Variants in ITGAM observed in about 807,000 individuals in gnomAD.
ITGAM encodes the protein integrin alpha-M.
A neutral mutation model predicts 137.5 loss-of-function variants in ITGAM; 79 were observed. The ratio of observed to expected loss-of-function variants is 0.57; its 90% CI spans 0.48 to 0.69. The LOEUF (loss-of-function observed/expected upper bound fraction) is 0.69. Ranked by LOEUF, ITGAM falls within the 30% of genes least tolerant of loss-of-function variation. ITGAM has a pLI of 0.00. For missense variants in ITGAM, 1,343 were observed against 1,483.5 expected (o/e 0.91, Z 1.56); for synonymous variants, 583 against 592.3 (o/e 0.98, Z 0.23).
Position 31,331,855 on chromosome 16 carries a change from A to ACGTGCGTG in ITGAM, c.*148_*149insCGTGCGTG. 1 of 503,076 alleles carries ACGTGCGTG rather than the reference A, an allele frequency of 2.0e-6. No individual in the cohort carries two copies. The allele number at this position is 503,076 out of a possible 1,614,324, so 31.2% of individuals were successfully genotyped here. On this transcript the variant is annotated 3_prime_UTR_variant, in exon 30 of 30. Coordinates refer to ENST00000544665, the MANE Select transcript of ITGAM (RefSeq NM_000632.4). ...TCCATTTGTGTGTGTGCAAGTGTGT[A>ACGTGCGTG]TGTGCGTGTGTGCAAGTGTCTGTGT...
chr16:31,331,991 G>A lies in ITGAM; in HGVS notation c.*284G>A. 1 of 482,770 alleles carries A rather than the reference G, an allele frequency of 2.1e-6. No individual in the cohort carries two copies. Among genetic ancestry groups the A allele is most frequent in the Non-Finnish European group, 3.7e-6 (1 of 270,362 alleles). The allele number at this position is 482,770 out of a possible 1,614,324, so 29.9% of individuals were successfully genotyped here. Reference sequence around the variant, plus strand: ...AGTGTGTGTGCGTGTGTCCATGTGTGTGCAAGTGTGTGCATGTGTGCGAGT... The same window carrying A: ...AGTGTGTGTGCGTGTGTCCATGTGTATGCAAGTGTGTGCATGTGTGCGAGT... On this transcript the variant is annotated 3_prime_UTR_variant, in exon 30 of 30. Transcript: ENST00000544665.
chr16:31,328,293 TCTGTGTGC>T (rs2080529950), intron 23 of ITGAM, 63 bp downstream of exon 23: 5 of 1,248,802 alleles, frequency 4.0e-6, no homozygotes, highest in Non-Finnish European at 4.7e-6. Flanking sequence ...TGATTGTGCA[TCTGTGTGC>T]ATGAGTCTGT....
intron 5 of ITGAM, 58 bp downstream of exon 5, chr16:31,266,205 G>A: frequency 8.3e-7 from 1 of 1,204,062 alleles, no homozygotes; most frequent in Non-Finnish European, 1.2e-6. Context: ...GGAGGGGGCA[G>A]GACTGAGGTG....
chr16:31,313,246 G>A (rs932227696), intron 14 of ITGAM, among the ~76,000 whole-genome samples: 1 of 152,148 alleles, frequency 6.6e-6, no homozygotes, highest in African/African-American at 2.4e-5. Context: ...TAAGTTCTGT[G>A]ATACATGTGC....
chr16:31,268,836 C>T (rs757735853), intron 5 of ITGAM, among the ~76,000 whole-genome samples: 15 of 152,186 alleles, frequency 9.9e-5, no homozygotes, highest in Non-Finnish European at 1.8e-4. Flanking sequence ...TTTTGAGGCC[C>T]TTGTCCCATA....
At chr16:31,313,971 A>G (rs1343868772) in intron 14 of ITGAM, among the ~76,000 whole-genome samples, 1 of 151,610 alleles carries the variant, frequency 6.6e-6, no homozygotes, top group Admixed American at 6.6e-5. Context: ...GCATTTCTCT[A>G]ATGACCAGTG....
In ITGAM at chr16:31,321,303, C is replaced by T. The variant is rs549300106; in HGVS notation, c.1770C>T (p.Gly590=). The stretch of plus-strand genomic sequence containing the variant: ...ATTTTGGTCAGTCACTGAGTGGGGG[C>T]CAGGACCTCACAATGGATGGACTGG... ...LQYFGQSLSG[G]QDLTMDGLVD... Residue 590 remains glycine (G), a synonymous_variant, in exon 15 of 30, where the codon GGC becomes GGT. Transcript: ENST00000544665. The T allele has an allele frequency of 1.5e-5, 25 of 1,613,986 alleles. No individual in the cohort carries two copies. The highest frequency in any genetic ancestry group is 1.9e-5 in the Non-Finnish European group (23 of 1,179,884).
rs988999273 is a variant in ITGAM, at chr16:31,259,993, C to G, written c.-72C>G. On this transcript the variant is annotated 5_prime_UTR_variant, in exon 1 of 30. Transcript: ENST00000544665. The stretch of plus-strand genomic sequence containing the variant: ...TTTCTGCCCTTCTTTGCTTTGGTGG[C>G]TTCCTTGTGGTTCCTCAGTGGTGCC... 9.0e-6 allele frequency: 12 copies of G among 1,339,100 alleles called. No individual in the cohort carries two copies. Among genetic ancestry groups the G allele is most frequent in the Non-Finnish European group, 1.3e-5 (12 of 950,708 alleles). The allele number at this position is 1,339,100 out of a possible 1,614,324, so 83.0% of individuals were successfully genotyped here.
At chr16:31,274,568 A>T (rs925065433) in intron 8 of ITGAM, among the ~76,000 whole-genome samples, 1 of 152,062 alleles carries the variant, frequency 6.6e-6, no homozygotes, top group Non-Finnish European at 1.5e-5. Context: ...TTGCATCCTT[A>T]TCTGGTTGGA....
chr16:31,325,338 C>T lies in ITGAM; in HGVS notation c.2439C>T (p.Ser813=). ...CTGTGAGAAATGATGGTGAGGACTC[C>T]TACAGGACACAGGTCACCTTCTTCT... ...TVTVRNDGED[S]YRTQVTFFFP... is the part of the protein sequence containing the mutation. Residue 813 remains serine (S), a synonymous_variant, in exon 20 of 30, where the codon TCC becomes TCT. Transcript: ENST00000544665. 6.2e-7 allele frequency: 1 copy of T among 1,613,954 alleles called. No individual in the cohort carries two copies. The highest frequency in any genetic ancestry group is 8.5e-7 in the Non-Finnish European group (1 of 1,179,846).
At position 31,328,242 on chromosome 16, in the gene ITGAM, C is replaced by G. The variant is rs1374645625; in HGVS notation, c.2792+12C>G. ...ATGGTGGTCACCAGGTGCTGGCTTC[C>G]AGGACTTTAGCTGAGCCTCCACTTC... On this transcript the variant is annotated intron_variant, in intron 23 of 29. Coordinates refer to ENST00000544665, the MANE Select transcript of ITGAM (RefSeq NM_000632.4). 2 of 1,609,324 alleles carry G rather than the reference C, an allele frequency of 1.2e-6. No individual in the cohort carries two copies. The highest frequency in any genetic ancestry group is 2.7e-5 in the African/African-American group (2 of 74,810).
chr16:31,288,830 A>G (rs2080056448), intron 12 of ITGAM, among the ~76,000 whole-genome samples: 1 of 152,198 alleles, frequency 6.6e-6, no homozygotes, highest in South Asian at 2.1e-4. Context: ...CAACCTACAG[A>G]ATGGGAGAAA....
chr16:31,289,755 T>TA lies in ITGAM; in HGVS notation c.1357-7752dup, dbSNP rs953256674. ...ATGTACCCTAGAACTTAAAGTATAATAAAAAAATAAATTTCCGATTGTTTA... is the reference window on the plus strand; with the variant it reads ...ATGTACCCTAGAACTTAAAGTATAATAAAAAAAATAAATTTCCGATTGTTTA... On this transcript the variant is annotated intron_variant, in intron 12 of 29. Coordinates refer to ENST00000544665, the MANE Select transcript of ITGAM (RefSeq NM_000632.4). Among the ~76,000 whole-genome samples, 6 of 152,104 alleles carry TA rather than the reference T, an allele frequency of 3.9e-5. No homozygotes were observed. The East Asian group carries it at 7.7e-4, about 20-fold the overall frequency.
Position 31,271,092 on chromosome 16 carries a change from C to T in ITGAM, c.558+8C>T. ...AAAAAGTCCAAAACCTTGGTGAGGG[C>T]CCAGGGGTAGGTTAGGGAAGAGCCC... On this transcript the variant is annotated splice_region_variant and intron_variant, in intron 6 of 29. Transcript: ENST00000544665. 2 of 1,551,178 alleles carry T rather than the reference C, an allele frequency of 1.3e-6. No homozygotes were observed. Among genetic ancestry groups the T allele is most frequent in the Middle Eastern group, 1.7e-4 (1 of 5,720 alleles).
intron 14 of ITGAM, among the ~76,000 whole-genome samples, chr16:31,311,076 G>T (rs1372404875): frequency 6.6e-6 from 1 of 152,124 alleles, no homozygotes; most frequent in East Asian, 1.9e-4. Context: ...AAACTGGCTG[G>T]CCATATGTAG....
chr16:31,275,202 A>G (rs1364293598), intron 8 of ITGAM, among the ~76,000 whole-genome samples: 1 of 152,114 alleles, frequency 6.6e-6, no homozygotes, highest in Non-Finnish European at 1.5e-5. Flanking sequence ...CACCTGCATG[A>G]CACAGAAAGC....
intron 1 of ITGAM, among the ~76,000 whole-genome samples, chr16:31,261,006 G>A (rs935510231): frequency 6.6e-6 from 1 of 152,110 alleles, no homozygotes; most frequent in African/African-American, 2.4e-5. Flanking sequence ...ATAAGTACTT[G>A]TACAACATAT....
At chr16:31,299,638 G>A (rs2080174567) in intron 14 of ITGAM, among the ~76,000 whole-genome samples, 1 of 152,126 alleles carries the variant, frequency 6.6e-6, no homozygotes, top group South Asian at 2.1e-4. Context: ...ACTCATATAA[G>A]TGAAACCACG....
chr16:31,328,925 T>C, intron 23 of ITGAM: 1 of 506,412 alleles, frequency 2.0e-6, no homozygotes, highest in South Asian at 2.2e-5. Flanking sequence ...AGGATCTATG[T>C]GCATGTATGT....
Sources: allele counts gnomAD v4.1 joint callset (sites outside exome capture counted in the v4.1 genomes callset), GRCh38; gene constraint gnomAD v4.1.1; transcripts MANE v1.5; gene names NCBI Gene and HGNC (gene_info 2026-07-23, HGNC 2026-07-21).